Variants in KRT18 observed in about 807,000 individuals in gnomAD.
The protein encoded by KRT18 is keratin, type I cytoskeletal 18.
KRT18 carries 8 observed loss-of-function variants against 39.9 expected under a neutral mutation model. That is an observed-to-expected ratio of 0.20 (90% CI 0.12 to 0.36). The LOEUF is 0.36. Among genes scored for constraint, KRT18 ranks in the 10% least tolerant of loss-of-function variants. The pLI, the probability that KRT18 is intolerant of heterozygous loss-of-function variation, is 1.00. For missense variants in KRT18, 396 were observed against 565.7 expected (o/e 0.70, Z 3.04); for synonymous variants, 194 against 227.8 (o/e 0.85, Z 1.33).
At chr12:52,948,978 G>T, upstream of KRT18, 1 of 476,142 alleles carries the variant, frequency 2.1e-6, no homozygotes, top group Non-Finnish European at 3.6e-6. Context: ...GGGCGCGGGG[G>T]TGGGGCCCGG....
chr12:52,952,033 G>C, intron 5 of KRT18, 86 bp from the exon 6 acceptor site: 2 of 1,324,044 alleles, frequency 1.5e-6, no homozygotes. Flanking sequence ...CACATAGCAG[G>C]TGCCCAAAAA....
At position 52,949,118 on chromosome 12, in the gene KRT18, G is replaced by A; in HGVS notation, c.-56G>A. ...AACTCGGGTCGCGCGGCTCGCGCAG[G>A]CCGCCACCGTCGTCCGCAAAGCCTG... On this transcript the variant is annotated 5_prime_UTR_variant, in exon 1 of 7. Transcript: ENST00000388835. The A allele has an allele frequency of 7.4e-7, 1 of 1,358,632 alleles. No homozygotes were observed. 84.2% of individuals were successfully genotyped at this position (1,358,632 alleles called of 1,614,324 possible).
rs746247808 is a variant in KRT18 at position 52,951,522 on chromosome 12, G to A, written c.699G>A (p.Leu233=). The A allele has an allele frequency of 2.5e-6, 4 of 1,613,996 alleles. No homozygotes were observed. Among genetic ancestry groups the A allele is most frequent in the African/African-American group, 2.7e-5 (2 of 74,942 alleles). The change falls in exon 4 of 7, where the codon TTG becomes TTA. Residue 233 remains leucine (L), a synonymous_variant. Coordinates refer to ENST00000388835, the MANE Select transcript of KRT18 (RefSeq NM_000224.3). ...AAGCCCAGATTGCCAGCTCTGGGTT[G>A]ACCGTGGAGGTAGATGCCCCCAAAT... ...GLQAQIASSG[L]TVEVDAPKSQ...
At position 52,952,780 on chromosome 12, in the gene KRT18, C is replaced by T. The variant is rs768557036; in HGVS notation, c.1231C>T (p.Arg411Cys). 15 of 1,612,578 alleles carry T rather than the reference C, an allele frequency of 9.3e-6. No individual in the cohort carries two copies. Among genetic ancestry groups the T allele is most frequent in the East Asian group, 6.7e-5 (3 of 44,894 alleles). Residue 411 changes from arginine to cysteine, a missense_variant, in exon 7 of 7, where the codon CGC becomes TGC. By Grantham distance (180) the Arg-to-Cys change is radical (BLOSUM62 -3). Transcript: ENST00000388835. The stretch of plus-strand genomic sequence containing the variant: ...GCAAACCATCCAAAAGACCACCACC[C>T]GCCGGATAGTGGATGGCAAAGTGGT... ...SMQTIQKTTT[R>C]RIVDGKVVSE...
chr12:52,948,911 G>A, upstream of KRT18: 1 of 435,632 alleles, frequency 2.3e-6, no homozygotes, highest in African/African-American at 2.1e-5. Context: ...CCGTGTCCAT[G>A]CCCGGTTGGC....
In KRT18 at chr12:52,949,871, A is replaced by T. The variant is rs762838578; in HGVS notation, c.417+281A>T. On this transcript the variant is annotated intron_variant, in intron 1 of 6. Coordinates refer to ENST00000388835, the MANE Select transcript of KRT18 (RefSeq NM_000224.3). ...GGGAGGTAAGGAAAGGCCTGTAAAGAGGAGGAGACACTGGCTCTGGCGGAA... is the reference window on the plus strand; with the variant it reads ...GGGAGGTAAGGAAAGGCCTGTAAAGTGGAGGAGACACTGGCTCTGGCGGAA... The T allele has an allele frequency of 3.5e-5, 24 of 691,234 alleles. 1 individual carries two copies. The South Asian group carries it at 3.6e-4, about 10-fold the overall frequency. 42.8% of individuals were successfully genotyped at this position (691,234 alleles called of 1,614,324 possible).
rs543708318 is a variant in KRT18, at chr12:52,950,584, A to C, written c.501-166A>C. On this transcript the variant is annotated intron_variant, in intron 2 of 6. Transcript: ENST00000388835. Reference sequence around the variant, plus strand: ...TTCATTTGTATAACCCCGTTTAAGAATACTGTCCTCCAAGTGCCAAGAATG... The same window carrying C: ...TTCATTTGTATAACCCCGTTTAAGACTACTGTCCTCCAAGTGCCAAGAATG... 4.8e-6 allele frequency: 4 copies of C among 825,532 alleles called. No homozygotes were observed. The South Asian group carries it at 5.9e-5, about 12-fold the overall frequency. The allele number at this position is 825,532 out of a possible 1,614,324, so 51.1% of individuals were successfully genotyped here. A position where few individuals can be genotyped will look rare whatever the true frequency, so the allele number is the denominator to read the frequency against.
rs772351919 is a variant in KRT18, at chr12:52,951,722, A to C, written c.823-9A>C. On this transcript the variant is annotated splice_polypyrimidine_tract_variant and intron_variant, in intron 4 of 6. Coordinates refer to ENST00000388835, the MANE Select transcript of KRT18 (RefSeq NM_000224.3). ...ATGAGGGGCCTGATGGACTGTCCCC[A>C]TCCTGCAGATTGAGGAGAGCACCAC... 9.3e-6 allele frequency: 15 copies of C among 1,613,164 alleles called. No homozygotes were observed. The Admixed American group carries it at 1.0e-4, about 11-fold the overall frequency.
At chr12:52,951,377 C>T in intron 3 of KRT18, 104 bp from the exon 4 acceptor site, 1 of 1,200,148 alleles carries the variant, frequency 8.3e-7, no homozygotes, top group South Asian at 1.2e-5. Context: ...TTCCTCCTGT[C>T]TCTTCTCCAA....
chr12:52,951,686 A>T, intron 4 of KRT18, 41 bp downstream of exon 4: 2 of 1,612,996 alleles, frequency 1.2e-6, no homozygotes, highest in South Asian at 2.2e-5. Flanking sequence ...TGTGGGAGGG[A>T]GGCAGACGGA....
chr12:52,950,462 T>C (rs1188092062), intron 2 of KRT18, 52 bp downstream of exon 2: 1 of 1,342,554 alleles, frequency 7.4e-7, no homozygotes, highest in Non-Finnish European at 1.1e-6. Flanking sequence ...CTAAGAAGGA[T>C]CTGCTCCCCA....
Position 52,951,868 on chromosome 12 carries a change from C to T in KRT18, c.948+12C>T. 1 of 1,604,358 alleles carries T rather than the reference C, an allele frequency of 6.2e-7. No individual in the cohort carries two copies. Among genetic ancestry groups the T allele is most frequent in the Non-Finnish European group, 8.5e-7 (1 of 1,179,942 alleles). ...CCATGAGAAATCTGGTGAGTGCCTT[C>T]ACATCACCTGCCCAGCTCCTCCTTC... is the stretch of plus-strand genomic sequence containing the variant. On this transcript the variant is annotated intron_variant, in intron 5 of 6. Transcript: ENST00000388835.
chr12:52,949,667 T>G (rs1307662739), intron 1 of KRT18, 77 bp downstream of exon 1: 1 of 1,303,180 alleles, frequency 7.7e-7, no homozygotes, highest in Non-Finnish European at 1.1e-6. Flanking sequence ...CTTTCCGTCA[T>G]TCCATAACCA....
In KRT18 at chr12:52,949,197, C is replaced by G. The variant is rs1246474436; in HGVS notation, c.24C>G (p.Thr8=). 1 of 1,611,754 alleles carries G rather than the reference C, an allele frequency of 6.2e-7. No homozygotes were observed. Among genetic ancestry groups the G allele is most frequent in the Non-Finnish European group, 8.5e-7 (1 of 1,179,826 alleles). The part of the protein sequence containing the change: MSFTTRS[T]FSTNYRSLGS... The stretch of plus-strand genomic sequence containing the variant: ...GCATGAGCTTCACCACTCGCTCCAC[C>G]TTCTCCACCAACTACCGGTCCCTGG... Residue 8 remains threonine (T), a synonymous_variant, in exon 1 of 7, where the codon ACC becomes ACG. Transcript: ENST00000388835.
rs190333989 is a variant in KRT18 at position 52,950,963 on chromosome 12, G to A, written c.657+57G>A. ...TGAGGGGCCAAGAGAAGTCTGGGTC[G>A]GAGAATAGACAAGACAAACCAACTG... On this transcript the variant is annotated intron_variant, in intron 3 of 6. Transcript: ENST00000388835. The A allele has an allele frequency of 9.4e-5, 142 of 1,507,288 alleles. No individual in the cohort carries two copies. In the African/African-American group the frequency reaches 1.5e-3, roughly 16 times the overall value. The allele number at this position is 1,507,288 out of a possible 1,614,324, so 93.4% of individuals were successfully genotyped here.
chr12:52,952,311 C>A lies in KRT18; in HGVS notation c.1141C>A (p.Arg381Ser), dbSNP rs1044002535. 3.7e-6 allele frequency: 6 copies of A among 1,606,780 alleles called. No individual in the cohort carries two copies. Among genetic ancestry groups the A allele is most frequent in the East Asian group, 2.2e-5 (1 of 44,748 alleles). The change falls in exon 6 of 7, where the codon CGC becomes AGC. Residue 381 changes from arginine to serine, a missense_variant. Arg to Ser is a moderately radical substitution (Grantham distance 110). Transcript: ENST00000388835. ...VKLEAEIATY[R>S]RLLEDGEDFN... ...GCTGGAGGCTGAGATCGCCACCTAC[C>A]GCCGCCTGCTGGAAGATGGCGAGGA...
chr12:52,948,928 G>C, upstream of KRT18: 1 of 434,204 alleles, frequency 2.3e-6, no homozygotes, highest in Non-Finnish European at 4.0e-6. Context: ...TGGCCACCCC[G>C]TTTCTGGGGG....
chr12:52,949,709 G>A (rs1492241), intron 1 of KRT18, 119 bp downstream of exon 1: 54,124 of 946,478 alleles, frequency 0.057, 2,521 homozygotes, highest in East Asian at 0.2. Context: ...AGGGGGTTGG[G>A]CATACCTGGA....
upstream of KRT18, chr12:52,949,093 A>G: frequency 7.3e-7 from 1 of 1,366,166 alleles, no homozygotes; most frequent in East Asian, 2.3e-5. Context: ...TCTGCGATAT[A>G]ACTCGGGTCG....
Sources: gnomAD v4.1 joint callset for allele counts on GRCh38, gnomAD v4.1.1 for gene constraint, MANE v1.5 for transcripts, NCBI Gene and HGNC (gene_info 2026-07-23, HGNC 2026-07-21) for gene names.